ANKRD26: variants seen among roughly 807,000 people sequenced by gnomAD.
ANKRD26 encodes ankyrin repeat domain 26.
ANKRD26 carries 141 observed loss-of-function variants against 208.7 expected under a neutral mutation model. That is an observed-to-expected ratio of 0.68 (90% CI 0.59 to 0.78). ANKRD26 has a LOEUF of 0.78. ANKRD26 is among the 30% of genes least tolerant of loss of function. The pLI, the probability that ANKRD26 is intolerant of heterozygous loss-of-function variation, is 0.00. For synonymous variants in ANKRD26, 636 were observed against 660.4 expected (o/e 0.96, Z 0.57); for missense variants, 1,889 against 1,938.7 (o/e 0.97, Z 0.48).
chr10:27,093,861 C>T, intron 1 of ANKRD26, 62 bp from the exon 2 acceptor site: 1 of 1,267,056 alleles, frequency 7.9e-7, no homozygotes, highest in Non-Finnish European at 1.2e-6. Context: ...TACAATGGTT[C>T]ATAAAATTAT....
chr10:27,048,653 C>A, intron 17 of ANKRD26, 148 bp downstream of exon 17: 1 of 684,354 alleles, frequency 1.5e-6, no homozygotes. Flanking sequence ...TCATTGTTTG[C>A]TAATTTGCAT....
Position 27,014,687 on chromosome 10 carries a change from A to T in ANKRD26, c.4531T>A (p.Leu1511Ile). The T allele has an allele frequency of 6.2e-7, 1 of 1,612,964 alleles. No individual in the cohort carries two copies. Among genetic ancestry groups the T allele is most frequent in the Non-Finnish European group, 8.5e-7 (1 of 1,179,690 alleles). Residue 1511 changes from leucine to isoleucine, a missense_variant, in exon 31 of 34, where the codon TTA becomes ATA. By Grantham distance (5) the Leu-to-Ile change is conservative (BLOSUM62 2). Transcript: ENST00000376087. ...AAATTATTCTCTCTAAACTGCTCTA[A>T]GTTTTCTTGAGATGCTGCTTGTGCC... ...LQAQAASQEN[L>I]EQFRENNFAS...
intron 7 of ANKRD26, 52 bp downstream of exon 7, chr10:27,079,037 T>C (rs933604214): frequency 2.0e-6 from 3 of 1,492,222 alleles, no homozygotes; most frequent in African/African-American, 2.8e-5. Context: ...GAGAATACTA[T>C]ACGAAACTAG....
chr10:27,023,979 TAC>T (rs59987738), intron 28 of ANKRD26, among the ~76,000 whole-genome samples: 38 of 142,210 alleles, frequency 2.7e-4, no homozygotes, highest in Non-Finnish European at 3.2e-4. Context: ...ATTTTATTAC[TAC>T]ACACACACAC....
At chr10:27,061,268 T>C (rs1179964284) in intron 12 of ANKRD26, 26 bp from the exon 13 acceptor site, 1 of 1,446,992 alleles carries the variant, frequency 6.9e-7, no homozygotes, top group Non-Finnish European at 9.7e-7. Flanking sequence ...TAATAAGCTT[T>C]CAATATTGTA....
At chr10:27,057,041 A>G (rs1444923703) in intron 15 of ANKRD26, among the ~76,000 whole-genome samples, 2 of 152,218 alleles carry the variant, frequency 1.3e-5, no homozygotes, top group African/African-American at 2.4e-5. Context: ...GATATTTATC[A>G]TTGATTTTCA....
intron 16 of ANKRD26, chr10:27,051,409 A>G (rs2054655676): frequency 3.4e-6 from 4 of 1,160,352 alleles, no homozygotes; most frequent in Non-Finnish European, 4.3e-6. Flanking sequence ...GGATCACTAT[A>G]CTGAGGCACA....
Position 27,046,498 on chromosome 10 carries a change from C to A in ANKRD26, c.1840G>T (p.Glu614Ter). 6.2e-7 allele frequency: 1 copy of A among 1,613,868 alleles called. No homozygotes were observed. The highest frequency in any genetic ancestry group is 1.1e-5 in the South Asian group (1 of 91,068). Reference sequence around the variant, plus strand: ...TTTTCTTTTTCAGTGCTCTTTACTTCCTTCATTTGCAAGGCAGGACCACTA... The same window carrying A: ...TTTTCTTTTTCAGTGCTCTTTACTTACTTCATTTGCAAGGCAGGACCACTA... The part of the protein sequence containing the change: ...ASSGPALQMK[E>*]VKSTEKEKRT... The change falls in exon 18 of 34, where the codon GAA (glutamate) becomes TAA (stop). Residue 614 changes from glutamate to a stop codon, truncating the protein, a stop_gained. Coordinates refer to ENST00000376087, the MANE Select transcript of ANKRD26 (RefSeq NM_014915.3). LOFTEE classifies it high-confidence loss of function.
chr10:27,029,405 A>G (rs1564368969), intron 25 of ANKRD26, 49 bp from the exon 26 acceptor site: 1 of 1,543,840 alleles, frequency 6.5e-7, no homozygotes, highest in Admixed American at 1.8e-5. Flanking sequence ...TCTAGTACAC[A>G]TCTGTCCATT....
chr10:27,050,758 G>A (rs2054626826), intron 16 of ANKRD26, among the ~76,000 whole-genome samples: 1 of 152,024 alleles, frequency 6.6e-6, no homozygotes, highest in Admixed American at 6.6e-5. Flanking sequence ...CTTTCATAAG[G>A]CAATTTCCTT....
At chr10:26,951,112 G>A in the ANKRD26 span, among the ~76,000 whole-genome samples, 1 of 149,280 alleles carries the variant, frequency 6.7e-6, no homozygotes, top group Non-Finnish European at 1.5e-5. Flanking sequence ...CTTCTCCCTG[G>A]GAGACAAGGA....
At chr10:27,084,912 T>C (rs78315666) in intron 5 of ANKRD26, among the ~76,000 whole-genome samples, 11 of 151,804 alleles carry the variant, frequency 7.2e-5, no homozygotes, top group Admixed American at 6.6e-4. Flanking sequence ...ACTTTTTTTT[T>C]CCTGTTTTTT....
At chr10:27,095,086 G>A (rs769406285) in intron 1 of ANKRD26, among the ~76,000 whole-genome samples, 3 of 151,890 alleles carry the variant, frequency 2.0e-5, no homozygotes, top group Non-Finnish European at 2.9e-5. Flanking sequence ...CTCTGACATT[G>A]GAATGCCACT....
intron 4 of ANKRD26, among the ~76,000 whole-genome samples, chr10:26,997,861 C>A (rs972322552): frequency 4.2e-4 from 64 of 152,302 alleles, no homozygotes; most frequent in African/African-American, 1.5e-3. Context: ...TGTTTGATCA[C>A]TGATAAATAG....
chr10:26,991,105 C>T (rs2052478016), downstream of ANKRD26, among the ~76,000 whole-genome samples: 1 of 152,136 alleles, frequency 6.6e-6, no homozygotes, highest in Non-Finnish European at 1.5e-5. Context: ...CTCAACTAAA[C>T]AACAAAATTG....
chr10:27,035,553 G>A lies in ANKRD26; in HGVS notation c.2897C>T (p.Thr966Ile). 6.2e-7 allele frequency: 1 copy of A among 1,613,774 alleles called. No individual in the cohort carries two copies. Among genetic ancestry groups the A allele is most frequent in the Non-Finnish European group, 8.5e-7 (1 of 1,179,826 alleles). Residue 966 changes from threonine (T) to isoleucine (I), a missense_variant, in exon 24 of 34, where the codon ACA becomes ATA. Around this residue, in one of 3 missense-constraint regions of ANKRD26, gnomAD observed 1,272 missense variants for 1,273.8 expected, o/e 1.00. Coordinates refer to ENST00000376087, the MANE Select transcript of ANKRD26 (RefSeq NM_014915.3). ...ATACTGGGATATTGTTTGTGTTAAT[G>A]TTTCCTCATTCTGTTTTATAGTCTT... ...LQKTIKQNEE[T>I]LTQTISQYNG...
chr10:27,040,468 T>C (rs1422533040), intron 20 of ANKRD26, among the ~76,000 whole-genome samples: 1 of 152,060 alleles, frequency 6.6e-6, no homozygotes, highest in African/African-American at 2.4e-5. Flanking sequence ...GAGAATTTGA[T>C]CTATACTGGG....
At chr10:27,039,564 C>A (rs150592712) in intron 21 of ANKRD26, among the ~76,000 whole-genome samples, 186 of 151,896 alleles carry the variant, frequency 1.2e-3, no homozygotes, top group African/African-American at 4.2e-3. Flanking sequence ...GGACCAAAGG[C>A]CTTTTTAAAA....
the ANKRD26 span, among the ~76,000 whole-genome samples, chr10:26,956,103 T>C: frequency 6.6e-6 from 1 of 152,208 alleles, no homozygotes; most frequent in African/African-American, 2.4e-5. Context: ...CATCTTAAAG[T>C]GGTCTTACAA....
Sources: gnomAD v4.1 joint callset for allele counts (sites outside exome capture counted in the v4.1 genomes callset) on GRCh38, gnomAD v4.1.1 for gene constraint, gnomAD v4.1.1 regional missense constraint, MANE v1.5 for transcripts, NCBI Gene and HGNC (gene_info 2026-07-23, HGNC 2026-07-21) for gene names.